The following CFAP44 variants were observed in gnomAD, a reference collection of about 807,000 sequenced individuals.
The protein encoded by CFAP44 is cilia and flagella associated protein 44.
A neutral mutation model predicts 216.2 loss-of-function variants in CFAP44; 134 were observed. The observed-to-expected ratio is 0.62, with a 90% CI of 0.54 to 0.72. The LOEUF (loss-of-function observed/expected upper bound fraction) is 0.72. Ranked by LOEUF, CFAP44 falls within the 30% of genes least tolerant of loss-of-function variation. The pLI is 0.00. For synonymous variants in CFAP44, 700 were observed against 727.6 expected (o/e 0.96, Z 0.61); for missense variants, 2,035 against 2,182.1 (o/e 0.93, Z 1.34).
chr3:113,345,523 A>C (rs75262802), intron 22 of CFAP44, among the ~76,000 whole-genome samples: 1 of 152,082 alleles, frequency 6.6e-6, no homozygotes, highest in Non-Finnish European at 1.5e-5. Flanking sequence ...TTTGCCCCTC[A>C]ATTTTCCATG....
At chr3:113,395,709 T>A in intron 15 of CFAP44, 41 bp downstream of exon 15, 1 of 1,509,622 alleles carries the variant, frequency 6.6e-7, no homozygotes, top group Non-Finnish European at 9.1e-7. Flanking sequence ...CACTATGTAG[T>A]AATTGAGATT....
rs200776776 is a variant in CFAP44 at position 113,394,491 on chromosome 3, CTT to C, written c.1890+1257_1890+1258del. Among the ~76,000 whole-genome samples, 67 of 152,334 alleles carry C rather than the reference CTT, an allele frequency of 4.4e-4. 1 individual carries two copies. The East Asian group carries it at 0.011, about 25-fold the overall frequency. On this transcript the variant is annotated intron_variant, in intron 15 of 34. Transcript: ENST00000393845. ...TCACCTGAACCATCTGTAGCTATCTCTTATTCATTTGGTCATATCCTACCAAT... is the reference window on the plus strand; with the variant it reads ...TCACCTGAACCATCTGTAGCTATCTCATTCATTTGGTCATATCCTACCAAT...
At chr3:113,414,670 C>G (rs1330361293) in intron 6 of CFAP44, among the ~76,000 whole-genome samples, 2 of 151,988 alleles carry the variant, frequency 1.3e-5, no homozygotes, top group Non-Finnish European at 2.9e-5. Flanking sequence ...GTTTATTGAT[C>G]TGTGTATGTT....
rs116343292 is a variant in CFAP44 at position 113,331,443 on chromosome 3, C to T, written c.3616-775G>A. ...CCAAAGGCCATTAAGAGTTACTTTGCATAAACATACAGTTTTTTAAAGATC... is the reference window on the plus strand; with the variant it reads ...CCAAAGGCCATTAAGAGTTACTTTGTATAAACATACAGTTTTTTAAAGATC... On this transcript the variant is annotated intron_variant, in intron 25 of 34. Transcript: ENST00000393845. Among the ~76,000 whole-genome samples the T allele has an allele frequency of 8.4e-3, 1,271 of 151,902 alleles. 23 individuals are homozygous for T. The highest frequency in any genetic ancestry group is 0.029 in the African/African-American group (1,202 of 41,468).
intron 15 of CFAP44, among the ~76,000 whole-genome samples, chr3:113,387,021 C>T (rs1228978678): frequency 2.6e-5 from 4 of 152,176 alleles, no homozygotes; most frequent in Non-Finnish European, 5.9e-5. Context: ...AATGGTTCAG[C>T]CCAGTAGTCA....
intron 22 of CFAP44, among the ~76,000 whole-genome samples, chr3:113,358,527 G>C (rs76626525): frequency 0.083 from 12,607 of 152,110 alleles, 634 homozygotes; most frequent in East Asian, 0.15. Flanking sequence ...TTTTTAAAAT[G>C]TAAGTGTTAA....
At position 113,405,894 on chromosome 3, in the gene CFAP44, C is replaced by T. The variant is rs944064750; in HGVS notation, c.1005+1033G>A. On this transcript the variant is annotated intron_variant, in intron 8 of 34. Coordinates refer to ENST00000393845, the MANE Select transcript of CFAP44 (RefSeq NM_001164496.2). ...GGATTTAGACATATAGTTTCGCCAGCATCCAAGGCTTTTTACTTCCTCCTA... is the reference window on the plus strand; with the variant it reads ...GGATTTAGACATATAGTTTCGCCAGTATCCAAGGCTTTTTACTTCCTCCTA... Among the ~76,000 whole-genome samples, 11 of 152,296 alleles carry T rather than the reference C, an allele frequency of 7.2e-5. No homozygotes were observed. The South Asian group carries it at 2.1e-3, about 29-fold the overall frequency.
intron 6 of CFAP44, among the ~76,000 whole-genome samples, chr3:113,414,830 G>A (rs1934599184): frequency 6.6e-6 from 1 of 151,924 alleles, no homozygotes; most frequent in African/African-American, 2.4e-5. Context: ...TCTTTTTTTT[G>A]TTATGTCTCT....
chr3:113,359,163 C>T (rs909169491), intron 21 of CFAP44, among the ~76,000 whole-genome samples: 7 of 152,110 alleles, frequency 4.6e-5, no homozygotes, highest in Non-Finnish European at 7.4e-5. Flanking sequence ...GTTTTAAAGA[C>T]GCTATCTCAA....
At chr3:113,414,730 C>T (rs1038351932) in intron 6 of CFAP44, among the ~76,000 whole-genome samples, 3 of 151,976 alleles carry the variant, frequency 2.0e-5, no homozygotes, top group African/African-American at 4.8e-5. Flanking sequence ...ATGGTGGATA[C>T]GTTTTTCGAT....
At chr3:113,294,123 T>C (rs1405355068) in intron 34 of CFAP44, 3 of 452,936 alleles carry the variant, frequency 6.6e-6, no homozygotes, top group Non-Finnish European at 4.4e-6. Flanking sequence ...AACATAGAGT[T>C]TGGAATATGC....
At chr3:113,440,051 C>T (rs1407554278) in intron 1 of CFAP44, among the ~76,000 whole-genome samples, 2 of 151,928 alleles carry the variant, frequency 1.3e-5, no homozygotes, top group African/African-American at 2.4e-5. Flanking sequence ...AGGTAGGTAC[C>T]ATTATTATTT....
intron 24 of CFAP44, among the ~76,000 whole-genome samples, chr3:113,336,560 T>A (rs1559915203): frequency 6.6e-6 from 1 of 152,068 alleles, no homozygotes; most frequent in Non-Finnish European, 1.5e-5. Flanking sequence ...AATTTTAAAT[T>A]TGTATTTAAA....
At chr3:113,345,392 G>T (rs1454589005) in intron 22 of CFAP44, among the ~76,000 whole-genome samples, 33 of 152,018 alleles carry the variant, frequency 2.2e-4, no homozygotes, top group Non-Finnish European at 2.9e-5. Context: ...TGGTATGTGT[G>T]GTGTATATAT....
At chr3:113,365,915 G>T in intron 19 of CFAP44, 124 bp downstream of exon 19, 3 of 1,061,868 alleles carry the variant, frequency 2.8e-6, no homozygotes, top group Non-Finnish European at 1.3e-6. Context: ...ATAGTAGCAG[G>T]AAGATTAGAC....
rs1350399781 is a variant in CFAP44, at chr3:113,287,157, C to T, written c.*4400G>A. 2 of 433,700 alleles carry T rather than the reference C, an allele frequency of 4.6e-6. No homozygotes were observed. Among genetic ancestry groups the T allele is most frequent in the Non-Finnish European group, 8.9e-6 (2 of 225,506 alleles). The allele number at this position is 433,700 out of a possible 1,614,324, so 26.9% of individuals were successfully genotyped here. A position where few individuals can be genotyped will look rare whatever the true frequency, so the allele number is the denominator to read the frequency against. On this transcript the variant is annotated 3_prime_UTR_variant, in exon 35 of 35. Coordinates refer to ENST00000393845, the MANE Select transcript of CFAP44 (RefSeq NM_001164496.2). ...AACCTGGGGCCTCTGCAGTGGCAGG[C>T]GAGGCTGCAGGAGGCCCACAGATAA...
rs1173702979 is a variant in CFAP44 at position 113,330,211 on chromosome 3, T to A, written c.4073A>T (p.Asp1358Val). 4.6e-6 allele frequency: 7 copies of A among 1,537,562 alleles called. No homozygotes were observed. In the East Asian group the frequency reaches 1.7e-4, roughly 38 times the overall value. Residue 1358 changes from aspartate to valine, a missense_variant, in exon 26 of 35, where the codon GAC (aspartate) becomes GTC (valine). By Grantham distance (152) the Asp-to-Val change is radical (BLOSUM62 -3). Around this residue, in one of 3 missense-constraint regions of CFAP44, gnomAD observed 1,883 missense variants for 2,023.7 expected, o/e 0.93. Transcript: ENST00000393845. ...TTGCATGTACACGTGTTTAATCTCG[T>A]CTCTCTTCATAATTTCCAGCTCCAC... is the stretch of plus-strand genomic sequence containing the variant. ...TDVELEIMKR[D>V]EIKHVYMQQY...
At chr3:113,425,583 A>G (rs966529902) in intron 4 of CFAP44, among the ~76,000 whole-genome samples, 15 of 152,236 alleles carry the variant, frequency 9.9e-5, no homozygotes, top group African/African-American at 3.6e-4. Flanking sequence ...ATGCCTTACA[A>G]TGGACAGACA....
In CFAP44 at chr3:113,401,706, C is replaced by T. The variant is rs1934145561; in HGVS notation, c.1204G>A (p.Val402Ile). 2 of 1,613,170 alleles carry T rather than the reference C, an allele frequency of 1.2e-6. No individual in the cohort carries two copies. The highest frequency in any genetic ancestry group is 1.7e-6 in the Non-Finnish European group (2 of 1,179,562). Reference protein sequence around the residue: ...WDFETIDTADVIDETGLLEIE... With the variant: ...WDFETIDTADIIDETGLLEIE... ...TCCAACAATCCAGTCTCATCTATTACATCAGCAGTGTCTATTGTCTCAAAA... is the reference window on the plus strand; with the variant it reads ...TCCAACAATCCAGTCTCATCTATTATATCAGCAGTGTCTATTGTCTCAAAA... The change falls in exon 10 of 35, where the codon GTA (valine) becomes ATA (isoleucine). Residue 402 changes from valine to isoleucine, a missense_variant. Val to Ile is a conservative substitution (Grantham distance 29, BLOSUM62 3). This residue lies in a region of CFAP44 where 1,883 missense variants were observed against 2,023.7 expected (regional missense o/e 0.93). Coordinates refer to ENST00000393845, the MANE Select transcript of CFAP44 (RefSeq NM_001164496.2).
Sources: allele counts gnomAD v4.1 joint callset (sites outside exome capture counted in the v4.1 genomes callset), GRCh38; gene constraint gnomAD v4.1.1; regional missense constraint gnomAD v4.1.1; transcripts MANE v1.5; gene names NCBI Gene and HGNC (gene_info 2026-07-23, HGNC 2026-07-21).